FIGN: variants seen among roughly 807,000 people sequenced by gnomAD.
FIGN encodes fidgetin.
In FIGN, 11 loss-of-function variants were observed where a neutral mutation model predicts 51.3. The observed-to-expected ratio is 0.21, with a 90% CI of 0.13 to 0.35. FIGN has a LOEUF of 0.35. Ranked by LOEUF, FIGN falls within the 10% of genes least tolerant of loss-of-function variation. The pLI, the probability that FIGN is intolerant of heterozygous loss-of-function variation, is 1.00. For missense variants in FIGN, 857 were observed against 943.6 expected, an observed-to-expected ratio of 0.91 and a Z score of 1.20; for synonymous variants, 407 against 363.2, an observed-to-expected ratio of 1.12 and a Z score of -1.37.
At chr2:163,715,859 T>A (rs1426673852) in intron 2 of FIGN, among the ~76,000 whole-genome samples, 1 of 152,158 alleles carries the variant, frequency 6.6e-6, no homozygotes, top group Non-Finnish European at 1.5e-5. Flanking sequence ...TCAAAGAAAG[T>A]ATACACATAC....
Position 163,610,267 on chromosome 2 carries a change from A to G in FIGN, c.1565T>C (p.Ile522Thr). 1 of 1,614,034 alleles carries G rather than the reference A, an allele frequency of 6.2e-7. No homozygotes were observed. The highest frequency in any genetic ancestry group is 8.5e-7 in the Non-Finnish European group (1 of 1,180,004). Residue 522 changes from isoleucine to threonine, a missense_variant, in exon 3 of 3, where the codon ATC becomes ACC. Around this residue, in one of 3 missense-constraint regions of FIGN, gnomAD observed 799 missense variants for 849.5 expected, o/e 0.94. Transcript: ENST00000333129. The stretch of plus-strand genomic sequence containing the variant: ...TGTCCCCCGAGGTCCAAATAAAAGG[A>G]TGCTCCGAGGTAAGGCCGTCAGTCC... ...FSGLTALPRS[I>T]LLFGPRGTGK...
intron 2 of FIGN, among the ~76,000 whole-genome samples, chr2:163,684,220 T>A (rs963084792): frequency 2.6e-5 from 4 of 152,184 alleles, no homozygotes; most frequent in African/African-American, 7.2e-5. Flanking sequence ...ATTCAGTCAT[T>A]CCTATCTTGA....
At chr2:163,635,397 A>T (rs926166545) in intron 2 of FIGN, among the ~76,000 whole-genome samples, 1 of 152,110 alleles carries the variant, frequency 6.6e-6, no homozygotes, top group Non-Finnish European at 1.5e-5. Flanking sequence ...GTAAGACCTC[A>T]TCTCTACAAA....
rs201171273 is a variant in FIGN, at chr2:163,609,984, T to C, written c.1848A>G (p.Val616=). 1.2e-5 allele frequency: 20 copies of C among 1,614,000 alleles called. No individual in the cohort carries two copies. The highest frequency in any genetic ancestry group is 1.7e-5 in the Admixed American group (1 of 60,010). ...RTEFLMQLDT[V]LTSAEDQIVV... ...CGATTTGGTCCTCAGCCGAAGTTAG[T>C]ACAGTGTCCAGTTGCATCAGAAATT... is the stretch of plus-strand genomic sequence containing the variant. The change falls in exon 3 of 3, where the codon GTA becomes GTG. Residue 616 remains valine (V), a synonymous_variant. Coordinates refer to ENST00000333129, the MANE Select transcript of FIGN (RefSeq NM_018086.4).
At chr2:163,719,313 T>C (rs1336009289) in intron 2 of FIGN, among the ~76,000 whole-genome samples, 13 of 152,306 alleles carry the variant, frequency 8.5e-5, no homozygotes, top group Middle Eastern at 3.4e-3. Flanking sequence ...ACTGGAATTA[T>C]GGCGGTAAGA....
At chr2:163,629,676 T>C (rs1209883215) in intron 2 of FIGN, among the ~76,000 whole-genome samples, 1 of 152,120 alleles carries the variant, frequency 6.6e-6, no homozygotes, top group East Asian at 1.9e-4. Context: ...TTATCTATGG[T>C]TGCTTTCTAG....
At position 163,610,579 on chromosome 2, in the gene FIGN, G is replaced by C. The variant is rs754373405; in HGVS notation, c.1253C>G (p.Ser418Cys). 6.2e-6 allele frequency: 10 copies of C among 1,614,062 alleles called. No homozygotes were observed. The Admixed American group carries it at 1.7e-4, about 27-fold the overall frequency. ...KNSLGSRSSE[S>C]FGKYTSPVMS... ...TACTGGCGATGTGTACTTCCCAAAG[G>C]ATTCACTGGATCTTGATCCCAATGA... is the stretch of plus-strand genomic sequence containing the variant. The change falls in exon 3 of 3, where the codon TCC becomes TGC. Residue 418 changes from serine (S) to cysteine (C), a missense_variant. Ser to Cys is a moderately radical substitution (Grantham distance 112). Coordinates refer to ENST00000333129, the MANE Select transcript of FIGN (RefSeq NM_018086.4).
intron 2 of FIGN, among the ~76,000 whole-genome samples, chr2:163,700,401 T>C (rs1275276218): frequency 1.3e-5 from 2 of 152,096 alleles, no homozygotes; most frequent in East Asian, 3.9e-4. Context: ...AAGGGGACAC[T>C]GGGGCAGGGC....
intron 2 of FIGN, among the ~76,000 whole-genome samples, chr2:163,653,944 C>T (rs1161377980): frequency 1.3e-5 from 2 of 152,042 alleles, no homozygotes; most frequent in African/African-American, 4.8e-5. Flanking sequence ...TAAGTAATCC[C>T]TGGTTCTGGA....
intron 2 of FIGN, among the ~76,000 whole-genome samples, chr2:163,720,352 G>T (rs1161702602): frequency 6.6e-6 from 1 of 152,098 alleles, no homozygotes; most frequent in Non-Finnish European, 1.5e-5. Context: ...CTAAAAGAAG[G>T]CATGGCCGAC....
intron 2 of FIGN, among the ~76,000 whole-genome samples, chr2:163,614,029 T>A (rs914586198): frequency 3.3e-5 from 5 of 152,152 alleles, no homozygotes; most frequent in African/African-American, 1.2e-4. Context: ...CATATTTATG[T>A]TTTAAAACTT....
intron 2 of FIGN, among the ~76,000 whole-genome samples, chr2:163,703,187 T>C (rs902268940): frequency 2.0e-5 from 3 of 152,080 alleles, no homozygotes; most frequent in African/African-American, 7.2e-5. Flanking sequence ...GGTTAAATAC[T>C]TTAATTACTA....
At chr2:163,706,947 C>A (rs952940417) in intron 2 of FIGN, among the ~76,000 whole-genome samples, 3 of 152,090 alleles carry the variant, frequency 2.0e-5, no homozygotes, top group African/African-American at 7.2e-5. Flanking sequence ...AATGTCACGG[C>A]CATTGCAGCA....
At chr2:163,633,719 GT>G (rs1683184332) in intron 2 of FIGN, among the ~76,000 whole-genome samples, 1 of 152,130 alleles carries the variant, frequency 6.6e-6, no homozygotes, top group Non-Finnish European at 1.5e-5. Context: ...CTCATATACT[GT>G]TTCTAGAGAC....
intron 2 of FIGN, among the ~76,000 whole-genome samples, chr2:163,671,514 TAC>T (rs1470208909): frequency 6.6e-6 from 1 of 152,200 alleles, no homozygotes; most frequent in Admixed American, 6.5e-5. Context: ...TTGGTAGATT[TAC>T]AGTCATTTAC....
intron 2 of FIGN, among the ~76,000 whole-genome samples, chr2:163,657,115 GAA>G (rs774955287): frequency 7.7e-5 from 7 of 91,064 alleles, no homozygotes; most frequent in African/African-American, 1.8e-4. Flanking sequence ...TCCTCCAAGA[GAA>G]AAAAAAAAAA....
At chr2:163,730,785 T>G (rs772618107) in intron 2 of FIGN, among the ~76,000 whole-genome samples, 1 of 152,204 alleles carries the variant, frequency 6.6e-6, no homozygotes, top group Non-Finnish European at 1.5e-5. Context: ...CAGTAGCATA[T>G]GTCAATATTT....
intron 2 of FIGN, among the ~76,000 whole-genome samples, chr2:163,697,470 GC>G (rs144789296): frequency 0.024 from 3,645 of 152,226 alleles, 68 homozygotes; most frequent in Middle Eastern, 0.041. Context: ...CCTCTCAGAG[GC>G]AAGTCAGGAT....
chr2:163,685,311 G>A (rs1235288229), intron 2 of FIGN, among the ~76,000 whole-genome samples: 1 of 152,126 alleles, frequency 6.6e-6, no homozygotes, highest in African/African-American at 2.4e-5. Flanking sequence ...CAGCTCTTCA[G>A]ATAAAGAAAA....
Sources: gnomAD v4.1 joint callset for allele counts (sites outside exome capture counted in the v4.1 genomes callset) on GRCh38, gnomAD v4.1.1 for gene constraint, gnomAD v4.1.1 regional missense constraint, MANE v1.5 for transcripts, NCBI Gene and HGNC (gene_info 2026-07-23, HGNC 2026-07-21) for gene names.